Variants in PDE1C observed in about 807,000 individuals in gnomAD.
The protein encoded by PDE1C is phosphodiesterase 1C.
In PDE1C, 62 loss-of-function variants were observed where a neutral mutation model predicts 93.1. That is an observed-to-expected ratio of 0.67 (90% CI 0.54 to 0.82). The LOEUF (loss-of-function observed/expected upper bound fraction) is 0.82. Among genes scored for constraint, PDE1C ranks in the 40% least tolerant of loss-of-function variants. The pLI, the probability that PDE1C is intolerant of heterozygous loss-of-function variation, is 0.00. For missense variants in PDE1C, 742 were observed against 884.6 expected, an observed-to-expected ratio of 0.84 and a Z score of 2.04; for synonymous variants, 325 against 310.1, an observed-to-expected ratio of 1.05 and a Z score of -0.50.
intron 1 of PDE1C, among the ~76,000 whole-genome samples, chr7:32,344,151 G>T (rs755745306): frequency 6.6e-6 from 1 of 152,088 alleles, no homozygotes; most frequent in Non-Finnish European, 1.5e-5. Flanking sequence ...ATAGCTCACT[G>T]CAGCCTCCAT....
At chr7:31,920,103 T>C (rs1802412715) in intron 2 of PDE1C, among the ~76,000 whole-genome samples, 1 of 152,150 alleles carries the variant, frequency 6.6e-6, no homozygotes, top group Non-Finnish European at 1.5e-5. Flanking sequence ...CAACCAATCT[T>C]CTGGGCATCC....
At chr7:32,327,345 T>C (rs534503794) in intron 1 of PDE1C, among the ~76,000 whole-genome samples, 33 of 152,164 alleles carry the variant, frequency 2.2e-4, no homozygotes, top group Non-Finnish European at 4.0e-4. Flanking sequence ...CCAGATTAAA[T>C]GTAACCATCA....
the PDE1C span, among the ~76,000 whole-genome samples, chr7:31,625,138 G>T: frequency 6.6e-6 from 1 of 152,112 alleles, no homozygotes; most frequent in Non-Finnish European, 1.5e-5. Context: ...TGCTGGAGAG[G>T]ATGTGGAGAA....
Position 32,420,341 on chromosome 7 carries a change from GTA to G in PDE1C, c.310+7479_310+7480del, listed in dbSNP as rs1785397257. On this transcript the variant is annotated intron_variant, in intron 1 of 1. Coordinates refer to the PDE1C transcript ENST00000672256. Reference sequence around the variant, plus strand: ...TATATATATGTGTATATATATATGTGTATATATATGTGTATATATATATGTGT... The same window carrying G: ...TATATATATGTGTATATATATATGTGTATATATGTGTATATATATATGTGT... Among the ~76,000 whole-genome samples the G allele has an allele frequency of 4.2e-4, 3 of 7,138 alleles. 1 individual carries two copies. The highest frequency in any genetic ancestry group is 0.25 in the Middle Eastern group (2 of 8). The allele number at this position is 7,138 out of a possible 152,430, so 4.7% of individuals were successfully genotyped here.
At chr7:31,630,244 C>A in the PDE1C span, among the ~76,000 whole-genome samples, 339 of 103,550 alleles carry the variant, frequency 3.3e-3, no homozygotes, top group African/African-American at 4.7e-3. Context: ...GTCTACTTGG[C>A]AAAAAAAAAA....
intron 2 of PDE1C, among the ~76,000 whole-genome samples, chr7:31,944,371 G>A (rs1806296957): frequency 6.6e-6 from 1 of 152,192 alleles, no homozygotes; most frequent in South Asian, 2.1e-4. Flanking sequence ...TCCTCAAAGA[G>A]CCTGGATGAT....
chr7:32,117,052 A>G (rs925565687), intron 3 of PDE1C, among the ~76,000 whole-genome samples: 9 of 152,192 alleles, frequency 5.9e-5, no homozygotes, highest in Non-Finnish European at 8.8e-5. Flanking sequence ...GGCTCCTCAG[A>G]GTAAATAGAT....
At chr7:32,233,303 T>G (rs1807838556) in intron 1 of PDE1C, among the ~76,000 whole-genome samples, 1 of 151,856 alleles carries the variant, frequency 6.6e-6, no homozygotes, top group African/African-American at 2.4e-5. Context: ...AAACAGAAAA[T>G]TAATAATTAA....
chr7:32,324,113 T>C (rs1783354253), intron 1 of PDE1C, among the ~76,000 whole-genome samples: 1 of 152,258 alleles, frequency 6.6e-6, no homozygotes, highest in Non-Finnish European at 1.5e-5. Flanking sequence ...ATGTACATTA[T>C]GTAAAATTCA....
chr7:32,311,220 G>C (rs1290990526), intron 1 of PDE1C, among the ~76,000 whole-genome samples: 1 of 152,168 alleles, frequency 6.6e-6, no homozygotes, highest in Non-Finnish European at 1.5e-5. Flanking sequence ...TTGAATCTCT[G>C]AATAGATGAA....
At chr7:31,963,936 G>A (rs1256551390) in intron 2 of PDE1C, among the ~76,000 whole-genome samples, 1 of 152,234 alleles carries the variant, frequency 6.6e-6, no homozygotes, top group African/African-American at 2.4e-5. Flanking sequence ...CATGAAGCAT[G>A]ACTTTATCTG....
intron 2 of PDE1C, among the ~76,000 whole-genome samples, chr7:32,050,176 A>T (rs1287854893): frequency 1.3e-5 from 2 of 152,234 alleles, no homozygotes; most frequent in African/African-American, 4.8e-5. Flanking sequence ...TAGCACCATT[A>T]TAATCTTATG....
the PDE1C span, among the ~76,000 whole-genome samples, chr7:31,698,032 A>C: frequency 3.9e-5 from 6 of 152,200 alleles, no homozygotes; most frequent in African/African-American, 1.4e-4. Flanking sequence ...AAACACTAAA[A>C]TGTGGCAGAA....
intron 2 of PDE1C, among the ~76,000 whole-genome samples, chr7:31,943,306 G>C (rs1383886673): frequency 6.6e-6 from 1 of 152,132 alleles, no homozygotes; most frequent in Non-Finnish European, 1.5e-5. Context: ...ATAGCCCAGG[G>C]AGGCTCAGAA....
chr7:32,192,374 G>A (rs1804292788), intron 2 of PDE1C, among the ~76,000 whole-genome samples: 1 of 152,056 alleles, frequency 6.6e-6, no homozygotes, highest in Non-Finnish European at 1.5e-5. Flanking sequence ...TTTGTTTAAT[G>A]TGTAAGACAG....
At chr7:31,758,857 G>C (rs1794649230) in intron 17 of PDE1C, among the ~76,000 whole-genome samples, 1 of 152,146 alleles carries the variant, frequency 6.6e-6, no homozygotes, top group Admixed American at 6.5e-5. Context: ...TGCAATGTCT[G>C]AGCCAGCTGA....
intron 1 of PDE1C, among the ~76,000 whole-genome samples, chr7:32,243,094 C>T (rs1388018551): frequency 1.3e-5 from 2 of 152,178 alleles, no homozygotes; most frequent in Admixed American, 6.5e-5. Context: ...GACAGACAGT[C>T]TCTTTGGCAG....
the PDE1C span, among the ~76,000 whole-genome samples, chr7:31,732,887 G>T: frequency 6.6e-6 from 1 of 152,092 alleles, no homozygotes; most frequent in Non-Finnish European, 1.5e-5. Context: ...GACGAATTAG[G>T]TGAATGAAAA....
intron 1 of PDE1C, among the ~76,000 whole-genome samples, chr7:32,336,023 C>G (rs947709453): frequency 5.9e-5 from 9 of 152,148 alleles, no homozygotes; most frequent in African/African-American, 1.7e-4. Context: ...ATATCCAACA[C>G]AGTCACATCT....
Sources: gnomAD v4.1 joint callset for allele counts (sites outside exome capture counted in the v4.1 genomes callset) on GRCh38, gnomAD v4.1.1 for gene constraint, MANE v1.5 for transcripts, NCBI Gene and HGNC (gene_info 2026-07-23, HGNC 2026-07-21) for gene names.